Variants in SH3D19 observed in about 807,000 individuals in gnomAD.
SH3D19 encodes the protein SH3 domain-containing protein 19.
Under a neutral mutation model 112.1 loss-of-function variants are expected in SH3D19, and 58 were observed. That is an observed-to-expected ratio of 0.52 (90% CI 0.42 to 0.64). The LOEUF (loss-of-function observed/expected upper bound fraction) is 0.64, where lower values mean the gene tolerates loss of function less well. Among genes scored for constraint, SH3D19 ranks in the 30% least tolerant of loss-of-function variants. SH3D19 has a pLI of 0.00. For missense variants in SH3D19, 1,090 were observed against 1,263.4 expected, an observed-to-expected ratio of 0.86 and a Z score of 2.08; for synonymous variants, 391 against 448.5, an observed-to-expected ratio of 0.87 and a Z score of 1.62.
intron 2 of SH3D19, among the ~76,000 whole-genome samples, chr4:151,207,757 C>T (rs1765320137): frequency 6.6e-6 from 1 of 152,192 alleles, no homozygotes; most frequent in South Asian, 2.1e-4. Context: ...CAGATGCTGG[C>T]TTATGCTCCT....
At chr4:151,139,224 G>A (rs1752514574) in intron 13 of SH3D19, among the ~76,000 whole-genome samples, 1 of 151,828 alleles carries the variant, frequency 6.6e-6, no homozygotes, top group Admixed American at 6.6e-5. Context: ...CGCGATCTCA[G>A]CTCACTGCAA....
intron 1 of SH3D19, among the ~76,000 whole-genome samples, chr4:151,320,930 C>A (rs542967196): frequency 2.4e-4 from 36 of 152,212 alleles, no homozygotes; most frequent in Admixed American, 7.2e-4. Flanking sequence ...GTCCCATCTA[C>A]TTGGGAGGCT....
At chr4:151,186,867 T>C (rs1359129879) in intron 3 of SH3D19, among the ~76,000 whole-genome samples, 1 of 147,848 alleles carries the variant, frequency 6.8e-6, no homozygotes, top group Non-Finnish European at 1.5e-5. Context: ...CGATCTCGGC[T>C]CACTGCAACC....
At chr4:151,290,461 A>T (rs1186653986) in intron 1 of SH3D19, among the ~76,000 whole-genome samples, 1 of 152,236 alleles carries the variant, frequency 6.6e-6, no homozygotes, top group Non-Finnish European at 1.5e-5. Flanking sequence ...ACATGATTCC[A>T]TTTATATGAA....
chr4:151,234,733 G>T (rs1424795297), intron 1 of SH3D19, among the ~76,000 whole-genome samples: 14 of 29,986 alleles, frequency 4.7e-4, no homozygotes, highest in Admixed American at 1.1e-3. Flanking sequence ...TTCCAAGTTT[G>T]TGTTTTTTTT....
chr4:151,256,502 G>A (rs1222304988), intron 1 of SH3D19, among the ~76,000 whole-genome samples: 1 of 152,146 alleles, frequency 6.6e-6, no homozygotes, highest in Non-Finnish European at 1.5e-5. Flanking sequence ...CCTTAATCAT[G>A]ATTCAAAATG....
At chr4:151,305,336 A>G (rs1359088579) in intron 1 of SH3D19, among the ~76,000 whole-genome samples, 1 of 152,180 alleles carries the variant, frequency 6.6e-6, no homozygotes, top group African/African-American at 2.4e-5. Context: ...ATACTTCTGT[A>G]TTATTGTTTG....
At chr4:151,182,992 C>CTT (rs757247209) in intron 3 of SH3D19, among the ~76,000 whole-genome samples, 7,901 of 139,832 alleles carry the variant, frequency 0.057, 499 homozygotes, top group East Asian at 0.19. Flanking sequence ...CAAACTTTTT[C>CTT]TTTTTTTTTT....
At chr4:151,250,161 T>G (rs1399963485) in intron 1 of SH3D19, among the ~76,000 whole-genome samples, 1 of 152,148 alleles carries the variant, frequency 6.6e-6, no homozygotes, top group Non-Finnish European at 1.5e-5. Context: ...ATTGCACAAG[T>G]ACTCAAAAAG....
rs1343830257 is a variant in SH3D19 at position 151,176,608 on chromosome 4, G to A, written c.455C>T (p.Ala152Val). The stretch of plus-strand genomic sequence containing the variant: ...AGAAGTAATAGTGTGCCTTGGAGTA[G>A]CAGCAGCATTATTATTATTTGTAGT... The part of the protein sequence containing the change: ...VNTTNNNNAA[A>V]TPRHTITSAT... Residue 152 changes from alanine (A) to valine (V), a missense_variant, in exon 6 of 20, where the codon GCT (alanine) becomes GTT (valine). Physicochemically the swap from Ala to Val is moderately conservative, Grantham distance 64 (BLOSUM62 0). Coordinates refer to ENST00000604030, the MANE Select transcript of SH3D19 (RefSeq NM_001378122.1). 2 of 1,231,128 alleles carry A rather than the reference G, an allele frequency of 1.6e-6. No individual in the cohort carries two copies. Among genetic ancestry groups the A allele is most frequent in the Non-Finnish European group, 2.0e-6 (2 of 987,172 alleles). 76.3% of individuals were successfully genotyped at this position (1,231,128 alleles called of 1,614,324 possible).
intron 1 of SH3D19, among the ~76,000 whole-genome samples, chr4:151,254,638 G>T (rs55998837): frequency 1.3e-5 from 2 of 149,820 alleles, no homozygotes; most frequent in Non-Finnish European, 3.0e-5. Context: ...AGGGTTGGGG[G>T]TAAGGTCACA....
chr4:151,124,798 TAAC>T (rs1748829191), intron 19 of SH3D19, among the ~76,000 whole-genome samples: 1 of 152,134 alleles, frequency 6.6e-6, no homozygotes, highest in African/African-American at 2.4e-5. Flanking sequence ...CAGAATCCCT[TAAC>T]AACAACAATA....
At chr4:151,132,284 G>T in intron 17 of SH3D19, 47 bp downstream of exon 17, 1 of 1,459,620 alleles carries the variant, frequency 6.9e-7, no homozygotes, top group Non-Finnish European at 9.5e-7. Context: ...ATTCCTCCCA[G>T]AGTCTGAACC....
intron 16 of SH3D19, 97 bp downstream of exon 16, chr4:151,132,937 A>G: frequency 9.7e-7 from 1 of 1,026,506 alleles, no homozygotes. Flanking sequence ...CCGTAAAAAT[A>G]TGGCAATATG....
intron 1 of SH3D19, chr4:151,291,241 C>T (rs1775309435): frequency 1.2e-6 from 2 of 1,613,704 alleles, no homozygotes; most frequent in Non-Finnish European, 1.7e-6. Flanking sequence ...AATCTACTAC[C>T]AAAAATGGAT....
At chr4:151,244,522 AC>A (rs1472337885) in intron 1 of SH3D19, among the ~76,000 whole-genome samples, 1 of 152,266 alleles carries the variant, frequency 6.6e-6, no homozygotes, top group Non-Finnish European at 1.5e-5. Flanking sequence ...GTAAATAAAA[AC>A]AAACAATAAA....
chr4:151,178,212 T>A (rs992801583), intron 4 of SH3D19, among the ~76,000 whole-genome samples: 2 of 152,180 alleles, frequency 1.3e-5, no homozygotes, highest in African/African-American at 4.8e-5. Flanking sequence ...ATGTTTAAAT[T>A]TTCTCTTAAA....
intron 9 of SH3D19, among the ~76,000 whole-genome samples, chr4:151,150,310 CA>C (rs1457180973): frequency 2.2e-5 from 3 of 135,336 alleles, no homozygotes; most frequent in Non-Finnish European, 4.6e-5. Context: ...TATACACACA[CA>C]TATATATATA....
intron 3 of SH3D19, among the ~76,000 whole-genome samples, chr4:151,182,412 T>C (rs1761103068): frequency 6.6e-6 from 1 of 152,216 alleles, no homozygotes; most frequent in Admixed American, 6.5e-5. Flanking sequence ...CAGTAGTCGA[T>C]CTACATTGTT....
Sources: allele counts gnomAD v4.1 joint callset (sites outside exome capture counted in the v4.1 genomes callset), GRCh38; gene constraint gnomAD v4.1.1; transcripts MANE v1.5; gene names NCBI Gene and HGNC (gene_info 2026-07-23, HGNC 2026-07-21).